DPH6: variants seen among roughly 807,000 people sequenced by gnomAD.
DPH6 encodes the protein diphthine--ammonia ligase.
DPH6 carries 33 observed loss-of-function variants against 38.2 expected under a neutral mutation model. The observed-to-expected ratio is 0.86, with a 90% CI of 0.65 to 1.15. The LOEUF (loss-of-function observed/expected upper bound fraction) is 1.15, where lower values mean the gene tolerates loss of function less well. DPH6 is among the 50% of genes most tolerant of loss of function. The probability of loss-of-function intolerance (pLI) is 0.00; values close to 1 mark genes in which losing one functional copy is unlikely to be tolerated. For missense variants in DPH6, 325 were observed against 320.0 expected, an observed-to-expected ratio of 1.02 and a Z score of -0.12; for synonymous variants, 108 against 103.0, an observed-to-expected ratio of 1.05 and a Z score of -0.30.
At chr15:35,526,060 T>A (rs1032452212) in intron 3 of DPH6, among the ~76,000 whole-genome samples, 1 of 152,154 alleles carries the variant, frequency 6.6e-6, no homozygotes, top group Admixed American at 6.5e-5. Context: ...GGATAAGGGT[T>A]AAAGATGTCA....
intron 5 of DPH6, among the ~76,000 whole-genome samples, chr15:35,416,159 A>C (rs981758032): frequency 2.0e-5 from 3 of 151,988 alleles, no homozygotes; most frequent in Admixed American, 6.6e-5. Flanking sequence ...AAATCAAAAA[A>C]ATCTCATAGT....
At chr15:35,282,801 C>T (rs566965045) in intron 3 of DPH6, 2 of 333,570 alleles carry the variant, frequency 6.0e-6, no homozygotes, top group East Asian at 6.9e-5. Context: ...CACAGCATCA[C>T]AGCACAGGAC....
intron 3 of DPH6, among the ~76,000 whole-genome samples, chr15:35,491,934 GAGAC>G (rs2054488340): frequency 6.6e-6 from 1 of 151,724 alleles, no homozygotes. Context: ...GCTCTAAAAA[GAGAC>G]AGAGAGAGAG....
chr15:35,281,881 C>A (rs1033176499), intron 3 of DPH6, among the ~76,000 whole-genome samples: 1 of 152,166 alleles, frequency 6.6e-6, no homozygotes, highest in African/African-American at 2.4e-5. Flanking sequence ...TCCCCTGCAA[C>A]AAATTGTTTG....
At chr15:35,235,277 G>A (rs1023927614) in intron 3 of DPH6, among the ~76,000 whole-genome samples, 21 of 152,172 alleles carry the variant, frequency 1.4e-4, no homozygotes, top group African/African-American at 5.1e-4. Flanking sequence ...GGACAACCTT[G>A]TGGTATAAAG....
intron 3 of DPH6, among the ~76,000 whole-genome samples, chr15:35,515,583 C>T (rs1222741966): frequency 1.3e-5 from 2 of 151,698 alleles, no homozygotes; most frequent in African/African-American, 2.4e-5. Context: ...TAGCCGGGCA[C>T]GGTGGCGGGC....
intron 3 of DPH6, among the ~76,000 whole-genome samples, chr15:35,512,360 A>AC (rs897663170): frequency 1.3e-5 from 2 of 152,158 alleles, no homozygotes; most frequent in South Asian, 4.1e-4. Flanking sequence ...GTAGAAAAAA[A>AC]AAGTTAAAAT....
chr15:35,333,143 G>C (rs962692296), intron 3 of DPH6, among the ~76,000 whole-genome samples: 1 of 150,570 alleles, frequency 6.6e-6, no homozygotes, highest in African/African-American at 2.4e-5. Context: ...TTTAAATTTA[G>C]TGAAACTAAA....
At chr15:35,290,184 TAGTG>T (rs1473609077) in intron 3 of DPH6, among the ~76,000 whole-genome samples, 1 of 152,236 alleles carries the variant, frequency 6.6e-6, no homozygotes, top group Non-Finnish European at 1.5e-5. Context: ...TTTAATGTTT[TAGTG>T]AGTCCTTTAG....
downstream of DPH6, among the ~76,000 whole-genome samples, chr15:35,327,364 AGTCTCAT>A (rs1189929875): frequency 9.6e-6 from 1 of 104,482 alleles, no homozygotes; most frequent in Non-Finnish European, 1.9e-5. Flanking sequence ...TTTGAGAGGG[AGTCTCAT>A]GTCTCATTCT....
At chr15:35,498,848 C>A (rs1159389632) in intron 3 of DPH6, among the ~76,000 whole-genome samples, 2 of 149,282 alleles carry the variant, frequency 1.3e-5, no homozygotes, top group Non-Finnish European at 3.0e-5. Flanking sequence ...CTGCTCAAGT[C>A]GGTAATCCCA....
chr15:35,381,614 A>C (rs970114186), intron 7 of DPH6, among the ~76,000 whole-genome samples: 1 of 152,206 alleles, frequency 6.6e-6, no homozygotes, highest in Admixed American at 6.5e-5. Flanking sequence ...ATGTCTAAAA[A>C]GTTTATAGCC....
chr15:35,544,930 G>T (rs1445064382), intron 1 of DPH6, among the ~76,000 whole-genome samples: 1 of 152,124 alleles, frequency 6.6e-6, no homozygotes, highest in Non-Finnish European at 1.5e-5. Flanking sequence ...AAGACACAAT[G>T]GTTAAAGCTT....
At chr15:35,494,555 A>C (rs911473296) in intron 3 of DPH6, among the ~76,000 whole-genome samples, 1 of 152,138 alleles carries the variant, frequency 6.6e-6, no homozygotes, top group East Asian at 1.9e-4. Flanking sequence ...TTACTTTTTC[A>C]ATGAAATTCA....
At chr15:35,483,121 A>G (rs2054348904) in intron 3 of DPH6, among the ~76,000 whole-genome samples, 1 of 152,140 alleles carries the variant, frequency 6.6e-6, no homozygotes, top group Non-Finnish European at 1.5e-5. Context: ...ATGGCCAATA[A>G]GTATATAAAA....
intron 5 of DPH6, among the ~76,000 whole-genome samples, chr15:35,449,192 A>C (rs757547043): frequency 6.6e-6 from 1 of 152,012 alleles, no homozygotes; most frequent in Non-Finnish European, 1.5e-5. Flanking sequence ...ATCTTTGCAC[A>C]CCTATAGGCA....
At chr15:35,278,000 T>C (rs1424597374) in intron 3 of DPH6, among the ~76,000 whole-genome samples, 1 of 152,008 alleles carries the variant, frequency 6.6e-6, no homozygotes, top group African/African-American at 2.4e-5. Flanking sequence ...TGGTACATGG[T>C]AGAAAAGGAA....
At chr15:35,477,229 C>T (rs76090100) in intron 3 of DPH6, among the ~76,000 whole-genome samples, 2,779 of 151,846 alleles carry the variant, frequency 0.018, 88 homozygotes, top group African/African-American at 0.062. Flanking sequence ...CAAAGTATAA[C>T]ATTATCTGAA....
At chr15:35,474,414 C>A (rs1389106580) in intron 3 of DPH6, among the ~76,000 whole-genome samples, 1 of 152,098 alleles carries the variant, frequency 6.6e-6, no homozygotes. Context: ...ATTCTTCACT[C>A]TTTTTTGCCC....
Sources: allele counts gnomAD v4.1 joint callset (sites outside exome capture counted in the v4.1 genomes callset), GRCh38; gene constraint gnomAD v4.1.1; transcripts MANE v1.5; gene names NCBI Gene and HGNC (gene_info 2026-07-23, HGNC 2026-07-21).